The following TBC1D30 variants were observed in gnomAD, a reference collection of about 807,000 sequenced individuals.
The protein encoded by TBC1D30 is TBC1 domain family member 30, also known as TBC1 domain family, member 30.
In TBC1D30, 31 loss-of-function variants were observed where a neutral mutation model predicts 63.2. That is an observed-to-expected ratio of 0.49 (90% CI 0.37 to 0.66). TBC1D30 has a LOEUF of 0.66. Among genes scored for constraint, TBC1D30 ranks in the 30% least tolerant of loss-of-function variants. The pLI is 0.00. For synonymous variants in TBC1D30, 307 were observed against 361.5 expected (o/e 0.85, Z 1.71); for missense variants, 810 against 953.6 (o/e 0.85, Z 1.98).
chr12:64,861,189 G>C (rs145159894), intron 8 of TBC1D30, among the ~76,000 whole-genome samples: 59 of 152,292 alleles, frequency 3.9e-4, no homozygotes, highest in Admixed American at 4.6e-4. Flanking sequence ...GCCTAATTTT[G>C]TGCAACTCAT....
At chr12:64,792,930 G>T (rs796506865) in intron 2 of TBC1D30, among the ~76,000 whole-genome samples, 5 of 152,194 alleles carry the variant, frequency 3.3e-5, no homozygotes, top group African/African-American at 1.2e-4. Context: ...TTTTGTTTTT[G>T]ATTCAAAGCT....
upstream of TBC1D30, among the ~76,000 whole-genome samples, chr12:64,777,080 A>T (rs750631750): frequency 1.3e-5 from 2 of 152,222 alleles, no homozygotes; most frequent in Non-Finnish European, 2.9e-5. Flanking sequence ...AAAACTCTCA[A>T]TAAACTAGGT....
chr12:64,768,990 C>A (rs1388527734), intron 1 of TBC1D30, among the ~76,000 whole-genome samples: 1 of 152,030 alleles, frequency 6.6e-6, no homozygotes, highest in Admixed American at 6.6e-5. Flanking sequence ...AACCCCATCG[C>A]TACAATAAAA....
chr12:64,795,850 T>C (rs1872230995), intron 2 of TBC1D30, among the ~76,000 whole-genome samples: 1 of 152,128 alleles, frequency 6.6e-6, no homozygotes, highest in Non-Finnish European at 1.5e-5. Context: ...ATGTGCTTTT[T>C]CCTTTTTCAT....
rs1874180616 is a variant in TBC1D30 at position 64,824,988 on chromosome 12, T to G, written c.109T>G (p.Cys37Gly). 1 of 1,534,354 alleles carries G rather than the reference T, an allele frequency of 6.5e-7. No individual in the cohort carries two copies. The highest frequency in any genetic ancestry group is 8.7e-7 in the Non-Finnish European group (1 of 1,146,484). Reference protein sequence around the residue: ...ILSNVLKKRSCISRTAPRLLC... With the variant: ...ILSNVLKKRSGISRTAPRLLC... Reference sequence around the variant, plus strand: ...GAGCAATGTGCTCAAGAAGCGCAGCTGCATTTCCCGGACCGCGCCCCGGCT... The same window carrying G: ...GAGCAATGTGCTCAAGAAGCGCAGCGGCATTTCCCGGACCGCGCCCCGGCT... Residue 37 changes from cysteine (C) to glycine (G), a missense_variant, in exon 1 of 12, where the codon TGC (cysteine) becomes GGC (glycine). Cys to Gly is a radical substitution (Grantham distance 159). Transcript: ENST00000539867.
chr12:64,825,149 A>T (rs910520883), intron 1 of TBC1D30, 116 bp downstream of exon 1: 63 of 1,378,126 alleles, frequency 4.6e-5, no homozygotes, highest in Non-Finnish European at 7.6e-6. Flanking sequence ...TCCGCGTGCC[A>T]CCTGGTGCGG....
Position 64,824,665 on chromosome 12 carries a change from C to T in TBC1D30, c.-215C>T. 3.5e-6 allele frequency: 2 copies of T among 570,594 alleles called. No homozygotes were observed. The highest frequency in any genetic ancestry group is 5.9e-6 in the Non-Finnish European group (2 of 339,258). The allele number at this position is 570,594 out of a possible 1,614,324, so 35.3% of individuals were successfully genotyped here. A position where few individuals can be genotyped will look rare whatever the true frequency, so the allele number is the denominator to read the frequency against. The stretch of plus-strand genomic sequence containing the variant: ...CTGCCTCAGCCTTGCAGGCTCCGCA[C>T]TGCAGATGCCTGCTGGCTTCCCTGC... On this transcript the variant is annotated 5_prime_UTR_variant, in exon 1 of 12. Coordinates refer to ENST00000539867, the MANE Select transcript of TBC1D30 (RefSeq NM_015279.2).
Position 64,873,110 on chromosome 12 carries a change from G to C in TBC1D30, c.1499-1891G>C, listed in dbSNP as rs145409873. Reference sequence around the variant, plus strand: ...AGGTGGAGAGATTGAACTTGAACTAGAGGCAAAAAGACCTTAGCTTCTGAG... The same window carrying C: ...AGGTGGAGAGATTGAACTTGAACTACAGGCAAAAAGACCTTAGCTTCTGAG... On this transcript the variant is annotated intron_variant, in intron 11 of 11. Coordinates refer to ENST00000539867, the MANE Select transcript of TBC1D30 (RefSeq NM_015279.2). 2.0e-5 allele frequency among the ~76,000 whole-genome samples: 3 copies of C among 152,290 alleles called. No individual in the cohort carries two copies. The East Asian group carries it at 5.8e-4, about 29-fold the overall frequency.
Position 64,828,477 on chromosome 12 carries a change from T to G in TBC1D30, c.250T>G (p.Ser84Ala), listed in dbSNP as rs1874558979. The G allele has an allele frequency of 1.3e-6, 2 of 1,535,744 alleles. No homozygotes were observed. Among genetic ancestry groups the G allele is most frequent in the Non-Finnish European group, 1.7e-6 (2 of 1,146,758 alleles). ...YDALKAVARLSTGIPKEWRRK... is the reference protein window; with the variant it reads ...YDALKAVARLATGIPKEWRRK... ...TGCTCTCAAGGCAGTTGCCAGGCTATCCACAGGAATACCAAAGGAATGGAG... is the reference window on the plus strand; with the variant it reads ...TGCTCTCAAGGCAGTTGCCAGGCTAGCCACAGGAATACCAAAGGAATGGAG... Residue 84 changes from serine to alanine, a missense_variant, in exon 3 of 12, where the codon TCC (serine) becomes GCC (alanine). This residue lies in a region of TBC1D30 where 272 missense variants were observed against 335.9 expected (regional missense o/e 0.81). Transcript: ENST00000539867.
At chr12:64,860,459 A>G (rs560963942) in intron 8 of TBC1D30, among the ~76,000 whole-genome samples, 164 of 151,708 alleles carry the variant, frequency 1.1e-3, no homozygotes, top group Non-Finnish European at 2.0e-3. Flanking sequence ...CGCTGCTTTT[A>G]AAGTATATTA....
At chr12:64,762,273 C>T (rs1368001493) in intron 1 of TBC1D30, among the ~76,000 whole-genome samples, 2 of 152,060 alleles carry the variant, frequency 1.3e-5, no homozygotes, top group African/African-American at 4.8e-5. Context: ...TGGTGAGGAC[C>T]CAGATCCTAT....
intron 8 of TBC1D30, among the ~76,000 whole-genome samples, chr12:64,863,000 A>T (rs1030982087): frequency 6.6e-6 from 1 of 152,188 alleles, no homozygotes; most frequent in Non-Finnish European, 1.5e-5. Context: ...TGTGGAGCTA[A>T]GACATGATAG....
intron 1 of TBC1D30, among the ~76,000 whole-genome samples, chr12:64,765,490 C>CAAAAAAAAAAAAAAAA (rs60489979): frequency 3.4e-4 from 6 of 17,600 alleles, no homozygotes; most frequent in African/African-American, 6.1e-4. Flanking sequence ...AGACTGTCTC[C>CAAAAAAAAAAAAAAAA]AAAAAAAAAA....
At chr12:64,872,096 C>T (rs1371894895) in intron 11 of TBC1D30, among the ~76,000 whole-genome samples, 2 of 152,176 alleles carry the variant, frequency 1.3e-5, no homozygotes, top group Admixed American at 6.5e-5. Context: ...GGTGCAATCT[C>T]AGCTCACTGT....
At position 64,875,956 on chromosome 12, in the gene TBC1D30, C is replaced by G; in HGVS notation, c.*168C>G. ...GGAAGTTTTATAATAGGAGTTAGAA[C>G]AGGGCTGTTTTCCCAGCTACTTGCT... On this transcript the variant is annotated 3_prime_UTR_variant, in exon 12 of 12. Coordinates refer to ENST00000539867, the MANE Select transcript of TBC1D30 (RefSeq NM_015279.2). The G allele has an allele frequency of 1.6e-6, 1 of 629,992 alleles. No homozygotes were observed. The highest frequency in any genetic ancestry group is 2.5e-6 in the Non-Finnish European group (1 of 394,680). The allele number at this position is 629,992 out of a possible 1,614,324, so 39.0% of individuals were successfully genotyped here. A position where few individuals can be genotyped will look rare whatever the true frequency, so the allele number is the denominator to read the frequency against.
intron 2 of TBC1D30, among the ~76,000 whole-genome samples, chr12:64,816,422 T>G (rs1004109221): frequency 1.3e-5 from 2 of 152,236 alleles, no homozygotes; most frequent in Admixed American, 6.5e-5. Flanking sequence ...TTTCTTTGTT[T>G]AAATTTCAGT....
At chr12:64,861,215 G>T (rs564805156) in intron 8 of TBC1D30, among the ~76,000 whole-genome samples, 1 of 152,238 alleles carries the variant, frequency 6.6e-6, no homozygotes, top group African/African-American at 2.4e-5. Context: ...CATATTTCTT[G>T]TAAAGCATAT....
rs548185846 is a variant in TBC1D30, at chr12:64,810,870, C to T, written c.644-16965C>T. 1.8e-4 allele frequency among the ~76,000 whole-genome samples: 27 copies of T among 152,342 alleles called. No homozygotes were observed. In the East Asian group the frequency reaches 5.2e-3, roughly 29 times the overall value. On this transcript the variant is annotated intron_variant, in intron 2 of 12. Transcript: ENST00000542120. ...CTCAACCATCCTTACTGTTAGGAAGCCAGAAGCCCCAGAGCCTAGAAGGTA... is the reference window on the plus strand; with the variant it reads ...CTCAACCATCCTTACTGTTAGGAAGTCAGAAGCCCCAGAGCCTAGAAGGTA...
At chr12:64,841,482 G>A (rs1388601365) in intron 7 of TBC1D30, among the ~76,000 whole-genome samples, 1 of 152,112 alleles carries the variant, frequency 6.6e-6, no homozygotes, top group Non-Finnish European at 1.5e-5. Context: ...GGCAGACCTT[G>A]CCAAGGGCAC....
Sources: gnomAD v4.1 joint callset for allele counts (sites outside exome capture counted in the v4.1 genomes callset) on GRCh38, gnomAD v4.1.1 for gene constraint, gnomAD v4.1.1 regional missense constraint, MANE v1.5 for transcripts, NCBI Gene and HGNC (gene_info 2026-07-23, HGNC 2026-07-21) for gene names.